GRID2: variants seen among roughly 807,000 people sequenced by gnomAD.
GRID2 encodes glutamate receptor ionotropic, delta-2.
Under a neutral mutation model 114.8 loss-of-function variants are expected in GRID2, and 33 were observed. The ratio of observed to expected loss-of-function variants is 0.29; its 90% confidence interval spans 0.22 to 0.38. GRID2 has a LOEUF of 0.38. Among genes scored for constraint, GRID2 ranks in the 10% least tolerant of loss-of-function variants. The probability of loss-of-function intolerance (pLI) is 1.00; values close to 1 mark genes in which losing one functional copy is unlikely to be tolerated. For missense variants in GRID2, 1,184 were observed against 1,257.7 expected (o/e 0.94, Z 0.89); for synonymous variants, 505 against 449.9 (o/e 1.12, Z -1.55).
At chr4:92,690,842 A>T (rs1024502243) in intron 2 of GRID2, among the ~76,000 whole-genome samples, 5 of 151,860 alleles carry the variant, frequency 3.3e-5, no homozygotes, top group African/African-American at 1.2e-4. Context: ...CAAAAACCTT[A>T]GTTTGTTGAT....
chr4:92,892,783 C>T (rs567036371), intron 2 of GRID2, among the ~76,000 whole-genome samples: 1 of 152,258 alleles, frequency 6.6e-6, no homozygotes, highest in South Asian at 2.1e-4. Flanking sequence ...AGTATGTGGT[C>T]TTGCCAAATG....
intron 11 of GRID2, among the ~76,000 whole-genome samples, chr4:93,488,095 T>G (rs2149456055): frequency 6.6e-6 from 1 of 152,084 alleles, no homozygotes. Flanking sequence ...AATGCCCAAT[T>G]AGCATTTTCA....
At chr4:93,264,150 C>G (rs1750548878) in intron 8 of GRID2, among the ~76,000 whole-genome samples, 2 of 152,120 alleles carry the variant, frequency 1.3e-5, no homozygotes, top group African/African-American at 4.8e-5. Flanking sequence ...AAAAACCTAG[C>G]AGTACTCATT....
chr4:92,832,800 A>G (rs1251701743), intron 2 of GRID2, among the ~76,000 whole-genome samples: 1 of 152,154 alleles, frequency 6.6e-6, no homozygotes, highest in African/African-American at 2.4e-5. Context: ...ATAATAATAT[A>G]AAATAAAAAT....
chr4:92,830,069 C>T (rs894357336), intron 2 of GRID2, among the ~76,000 whole-genome samples: 1 of 149,506 alleles, frequency 6.7e-6, no homozygotes, highest in Non-Finnish European at 1.5e-5. Flanking sequence ...GAACATTCTA[C>T]ATATGTATTC....
chr4:92,876,679 A>G (rs1745660756), intron 2 of GRID2, among the ~76,000 whole-genome samples: 1 of 152,190 alleles, frequency 6.6e-6, no homozygotes, highest in Non-Finnish European at 1.5e-5. Context: ...GAAAATGGGT[A>G]AAATGCATCA....
At chr4:93,200,483 G>A (rs530915389) in intron 4 of GRID2, among the ~76,000 whole-genome samples, 1 of 151,982 alleles carries the variant, frequency 6.6e-6, no homozygotes, top group Admixed American at 6.6e-5. Context: ...GGAGAATGGC[G>A]TGAACCCGGG....
intron 11 of GRID2, among the ~76,000 whole-genome samples, chr4:93,486,659 A>C (rs1052314412): frequency 1.3e-5 from 2 of 151,660 alleles, no homozygotes; most frequent in Non-Finnish European, 3.0e-5. Flanking sequence ...AATTACAATG[A>C]TTGATTTTTG....
intron 2 of GRID2, among the ~76,000 whole-genome samples, chr4:92,980,320 T>G (rs767535065): frequency 6.6e-6 from 1 of 152,010 alleles, no homozygotes; most frequent in Non-Finnish European, 1.5e-5. Flanking sequence ...AAAAATGTTA[T>G]GAGAATTTAA....
chr4:93,466,272 T>C (rs550979339), intron 11 of GRID2, among the ~76,000 whole-genome samples: 8 of 152,302 alleles, frequency 5.3e-5, no homozygotes, highest in African/African-American at 1.9e-4. Flanking sequence ...TTTTTTATTT[T>C]GATATTCTCA....
intron 13 of GRID2, among the ~76,000 whole-genome samples, chr4:93,585,259 C>T (rs1270716930): frequency 2.0e-5 from 3 of 152,032 alleles, no homozygotes; most frequent in African/African-American, 7.2e-5. Context: ...GGATCTTGAT[C>T]TCATTTGTTT....
rs201401207 is a variant in GRID2, at chr4:93,637,254, G to A, written c.2360+10819G>A. On this transcript the variant is annotated intron_variant, in intron 14 of 15. Coordinates refer to ENST00000282020, the MANE Select transcript of GRID2 (RefSeq NM_001510.4). The stretch of plus-strand genomic sequence containing the variant: ...ACCAGGTGCCAAGTATCACTATAAA[G>A]GCCCTAACTATGTTAAATAATTTAA... Among the ~76,000 whole-genome samples, 4 of 152,048 alleles carry A rather than the reference G, an allele frequency of 2.6e-5. No homozygotes were observed. In the East Asian group the frequency reaches 7.7e-4, roughly 29 times the overall value.
chr4:92,333,777 C>G (rs1727021081), intron 1 of GRID2, among the ~76,000 whole-genome samples: 1 of 152,132 alleles, frequency 6.6e-6, no homozygotes. Context: ...GTTTGTTACT[C>G]AGGCTGAAGT....
chr4:92,483,982 A>G (rs924351595), intron 1 of GRID2, among the ~76,000 whole-genome samples: 1 of 152,172 alleles, frequency 6.6e-6, no homozygotes, highest in South Asian at 2.1e-4. Flanking sequence ...AGAAGATTAA[A>G]CTACGTGAAT....
chr4:93,464,662 G>C (rs1224547066), intron 11 of GRID2, among the ~76,000 whole-genome samples: 3 of 152,102 alleles, frequency 2.0e-5, no homozygotes, highest in Non-Finnish European at 2.9e-5. Flanking sequence ...AATGTCACTA[G>C]TGAACTACAT....
intron 3 of GRID2, among the ~76,000 whole-genome samples, chr4:93,104,274 G>A (rs1265177440): frequency 2.0e-5 from 3 of 151,984 alleles, no homozygotes; most frequent in East Asian, 3.9e-4. Flanking sequence ...CAAATTTAGA[G>A]GCTTAAACAA....
chr4:93,632,116 G>A (rs1358997643), intron 14 of GRID2, among the ~76,000 whole-genome samples: 4 of 152,096 alleles, frequency 2.6e-5, no homozygotes, highest in Non-Finnish European at 5.9e-5. Context: ...CTGGATATTA[G>A]CCCTTTGTCA....
intron 2 of GRID2, among the ~76,000 whole-genome samples, chr4:92,990,959 T>C (rs1028734103): frequency 2.0e-5 from 3 of 152,184 alleles, no homozygotes; most frequent in Non-Finnish European, 4.4e-5. Flanking sequence ...ACAAAATTAC[T>C]ATTATGAAAA....
At chr4:93,371,403 A>G (rs892387116) in intron 8 of GRID2, among the ~76,000 whole-genome samples, 1 of 151,742 alleles carries the variant, frequency 6.6e-6, no homozygotes, top group Admixed American at 6.6e-5. Context: ...GATTCTACTC[A>G]TGTGGTAACA....
Sources: gnomAD v4.1 joint callset for allele counts (sites outside exome capture counted in the v4.1 genomes callset) on GRCh38, gnomAD v4.1.1 for gene constraint, MANE v1.5 for transcripts, NCBI Gene and HGNC (gene_info 2026-07-23, HGNC 2026-07-21) for gene names.